The following RTTN variants were observed in gnomAD, a reference collection of about 807,000 sequenced individuals.
The protein encoded by RTTN is rotatin.
A neutral mutation model predicts 269.2 loss-of-function variants in RTTN; 182 were observed. The observed-to-expected ratio is 0.68, with a 90% CI of 0.60 to 0.76. The LOEUF is 0.76. RTTN is among the 30% of genes least tolerant of loss of function. The probability of loss-of-function intolerance (pLI) is 0.00; values close to 1 mark genes in which losing one functional copy is unlikely to be tolerated. For synonymous variants in RTTN, 1,006 were observed against 963.5 expected (o/e 1.04, Z -0.82); for missense variants, 2,545 against 2,608.6 (o/e 0.98, Z 0.53).
chr18:70,148,949 G>C lies in RTTN; in HGVS notation c.2261C>G (p.Thr754Ser), dbSNP rs981000121. ...TCGCAGCATGGACTTTAATCGGGTA[G>C]TACACGGAAGCATCTCTTCTGTGTC... ...SSDTEEMLPC[T>S]TRLKSMLRLL... Residue 754 changes from threonine to serine, a missense_variant, in exon 17 of 49, where the codon ACT (threonine) becomes AGT (serine). Thr to Ser is a moderately conservative substitution (Grantham distance 58). Transcript: ENST00000640769. 13 of 1,613,508 alleles carry C rather than the reference G, an allele frequency of 8.1e-6. No homozygotes were observed. In the Admixed American group the frequency reaches 1.8e-4, roughly 23 times the overall value.
intron 23 of RTTN, among the ~76,000 whole-genome samples, chr18:70,133,618 C>CA (rs68170042): frequency 1.1e-4 from 1 of 9,178 alleles, no homozygotes; most frequent in Non-Finnish European, 1.2e-3. Flanking sequence ...GAGCAAAAAG[C>CA]AATATAATAA....
chr18:70,190,568 G>T lies in RTTN; in HGVS notation c.1159C>A (p.Leu387Met). The T allele has an allele frequency of 6.2e-7, 1 of 1,613,700 alleles. No individual in the cohort carries two copies. Among genetic ancestry groups the T allele is most frequent in the Admixed American group, 1.7e-5 (1 of 60,020 alleles). The part of the protein sequence containing the change: ...LSLPQFCVSI[L>M]ESAVPLLRTG... ...CTTAAGAGAGGAACAGCTGATTCCA[G>T]AATGGAGACACAAAACTGGGGAAGA... Residue 387 changes from leucine to methionine, a missense_variant, in exon 9 of 49, where the codon CTG (leucine) becomes ATG (methionine). Physicochemically the swap from Leu to Met is conservative, Grantham distance 15. Transcript: ENST00000640769.
At chr18:70,120,202 C>A (rs1487732141) in intron 26 of RTTN, among the ~76,000 whole-genome samples, 2 of 118,418 alleles carry the variant, frequency 1.7e-5, no homozygotes, top group African/African-American at 5.3e-5. Context: ...ACCACATATA[C>A]CCTGCATCAC....
At chr18:70,083,237 T>C (rs950031317) in intron 32 of RTTN, among the ~76,000 whole-genome samples, 1 of 152,144 alleles carries the variant, frequency 6.6e-6, no homozygotes, top group African/African-American at 2.4e-5. Flanking sequence ...ACCACCCCAC[T>C]TCCAGTATGC....
At chr18:70,066,017 T>G in intron 34 of RTTN, 95 bp from the exon 35 acceptor site, 1 of 754,626 alleles carries the variant, frequency 1.3e-6, no homozygotes, top group Non-Finnish European at 2.0e-6. Context: ...ACAAGGAGGT[T>G]TAAGACAAAA....
intron 32 of RTTN, among the ~76,000 whole-genome samples, chr18:70,084,757 G>C (rs2058659500): frequency 6.6e-6 from 1 of 151,994 alleles, no homozygotes; most frequent in Admixed American, 6.6e-5. Context: ...GACAGCAGTG[G>C]CTCTCCAACT....
chr18:70,004,084 C>T lies in RTTN; in HGVS notation c.*67G>A. ...GTCTTCAGGTAACAGCTGCTACACA[C>T]AGCTGGCTTCAACTTTAGCTCCCCT... On this transcript the variant is annotated 3_prime_UTR_variant, in exon 49 of 49. Transcript: ENST00000640769. The T allele has an allele frequency of 8.3e-7, 1 of 1,200,852 alleles. No individual in the cohort carries two copies. 74.4% of individuals were successfully genotyped at this position (1,200,852 alleles called of 1,614,324 possible).
chr18:70,074,510 T>C (rs2058378439), intron 33 of RTTN, among the ~76,000 whole-genome samples: 1 of 152,114 alleles, frequency 6.6e-6, no homozygotes, highest in African/African-American at 2.4e-5. Flanking sequence ...GTCTTCAACT[T>C]ACTCTTAAAT....
chr18:70,126,620 T>A (rs1251222746), intron 25 of RTTN, among the ~76,000 whole-genome samples: 2 of 152,128 alleles, frequency 1.3e-5, no homozygotes, highest in Non-Finnish European at 2.9e-5. Flanking sequence ...AATTAGAAAG[T>A]GATGTTTGCA....
At chr18:70,199,282 ATCATTT>A in intron 5 of RTTN, 126 bp downstream of exon 5, 1 of 463,958 alleles carries the variant, frequency 2.2e-6, no homozygotes, top group African/African-American at 2.0e-5. Context: ...AAAAATAAAA[ATCATTT>A]AAATATGACC....
intron 45 of RTTN, among the ~76,000 whole-genome samples, chr18:70,018,631 A>G (rs2056611169): frequency 6.6e-6 from 1 of 152,160 alleles, no homozygotes; most frequent in Admixed American, 6.5e-5. Flanking sequence ...TGAGCTACAG[A>G]AATATTATCA....
chr18:70,161,724 G>A (rs555086231), intron 14 of RTTN, among the ~76,000 whole-genome samples: 5 of 151,808 alleles, frequency 3.3e-5, no homozygotes, highest in Admixed American at 1.3e-4. Context: ...ACATACACAC[G>A]GTCAACAAAC....
intron 2 of RTTN, among the ~76,000 whole-genome samples, chr18:70,204,515 C>T (rs1216945296): frequency 6.6e-6 from 1 of 152,130 alleles, no homozygotes; most frequent in African/African-American, 2.4e-5. Context: ...CATTATCAAT[C>T]CCTACTCTTA....
intron 40 of RTTN, among the ~76,000 whole-genome samples, chr18:70,042,623 G>A (rs190985873): frequency 2.6e-5 from 4 of 151,918 alleles, no homozygotes; most frequent in Admixed American, 6.6e-5. Flanking sequence ...TGATCCGCCC[G>A]CCTCAGCCTC....
chr18:70,181,609 T>C (rs182937115), intron 10 of RTTN, among the ~76,000 whole-genome samples: 1 of 152,300 alleles, frequency 6.6e-6, no homozygotes, highest in East Asian at 1.9e-4. Flanking sequence ...TGTGTGGAAA[T>C]ACCTAGAGAT....
intron 13 of RTTN, 50 bp downstream of exon 13, chr18:70,166,869 A>C (rs1202294174): frequency 1.7e-6 from 2 of 1,209,070 alleles, no homozygotes; most frequent in South Asian, 2.6e-5. Context: ...GTTTACACAC[A>C]CCCTAAGTGT....
chr18:70,108,553 A>G (rs1345265655), intron 28 of RTTN, among the ~76,000 whole-genome samples: 1 of 152,206 alleles, frequency 6.6e-6, no homozygotes, highest in Admixed American at 6.5e-5. Context: ...GAGAAAAAAG[A>G]TGCAAAATTC....
intron 11 of RTTN, 84 bp from the exon 12 acceptor site, chr18:70,169,151 A>C: frequency 2.1e-6 from 2 of 938,580 alleles, no homozygotes; most frequent in South Asian, 2.4e-5. Flanking sequence ...TATAGTCTTA[A>C]TCTAATCCAA....
intron 46 of RTTN, 33 bp downstream of exon 46, chr18:70,017,374 C>CATAT: frequency 6.3e-7 from 1 of 1,587,504 alleles, no homozygotes; most frequent in African/African-American, 1.4e-5. Flanking sequence ...TGAATAACTA[C>CATAT]ATATATAAAT....
Sources: allele counts gnomAD v4.1 joint callset (sites outside exome capture counted in the v4.1 genomes callset), GRCh38; gene constraint gnomAD v4.1.1; transcripts MANE v1.5; gene names NCBI Gene and HGNC (gene_info 2026-07-23, HGNC 2026-07-21).